Variants in TENM3 observed in about 807,000 individuals in gnomAD.
TENM3 encodes the protein teneurin-3.
Under a neutral mutation model 255.1 loss-of-function variants are expected in TENM3, and 63 were observed. The observed-to-expected ratio is 0.25, with a 90% CI of 0.20 to 0.30. TENM3 has a LOEUF of 0.30. TENM3 is among the 10% of genes least tolerant of loss of function. The pLI is 1.00. For synonymous variants in TENM3, 1,306 were observed against 1,322.3 expected (o/e 0.99, Z 0.27); for missense variants, 2,929 against 3,461.1 (o/e 0.85, Z 3.86).
the TENM3 span, among the ~76,000 whole-genome samples, chr4:181,871,344 G>A: frequency 6.6e-6 from 1 of 151,908 alleles, no homozygotes; most frequent in South Asian, 2.1e-4. Context: ...AAGAAAAATG[G>A]CTATTTTAAC....
chr4:181,927,895 G>A, the TENM3 span, among the ~76,000 whole-genome samples: 2 of 152,202 alleles, frequency 1.3e-5, no homozygotes, highest in African/African-American at 4.8e-5. Context: ...AAGGTCTGGA[G>A]TGGACCTCCA....
chr4:181,462,765 A>C, the TENM3 span, among the ~76,000 whole-genome samples: 2 of 151,964 alleles, frequency 1.3e-5, no homozygotes, highest in Non-Finnish European at 2.9e-5. Flanking sequence ...TCAAGTTCCC[A>C]CTCTGTGCAT....
At chr4:181,897,108 T>C in the TENM3 span, among the ~76,000 whole-genome samples, 1 of 152,190 alleles carries the variant, frequency 6.6e-6, no homozygotes, top group Non-Finnish European at 1.5e-5. Context: ...CTAGCCCAAT[T>C]GTTCCTTCTT....
At chr4:182,264,137 T>A (rs1759073026) in intron 1 of TENM3, among the ~76,000 whole-genome samples, 1 of 152,218 alleles carries the variant, frequency 6.6e-6, no homozygotes. Flanking sequence ...AGTGTTTATC[T>A]CTTCTGTAAA....
chr4:182,510,303 C>T (rs1331628614), intron 3 of TENM3, among the ~76,000 whole-genome samples: 3 of 152,128 alleles, frequency 2.0e-5, no homozygotes, highest in Non-Finnish European at 4.4e-5. Context: ...TTTTCTTCTG[C>T]GCAAGCCTTT....
At chr4:182,031,550 C>G in the TENM3 span, among the ~76,000 whole-genome samples, 1 of 152,074 alleles carries the variant, frequency 6.6e-6, no homozygotes, top group African/African-American at 2.4e-5. Context: ...TTTTTAGGTT[C>G]CACATGAATT....
the TENM3 span, among the ~76,000 whole-genome samples, chr4:181,846,371 T>A: frequency 6.6e-6 from 1 of 152,292 alleles, no homozygotes; most frequent in Non-Finnish European, 1.5e-5. Context: ...ACAGCTTGTT[T>A]GTAGGTTGCA....
intron 3 of TENM3, among the ~76,000 whole-genome samples, chr4:182,459,258 C>G (rs890043528): frequency 6.6e-6 from 1 of 151,964 alleles, no homozygotes; most frequent in Non-Finnish European, 1.5e-5. Flanking sequence ...AGAGAAATTT[C>G]TCAGTATTAT....
chr4:182,216,483 T>C (rs903169672), intron 1 of TENM3, among the ~76,000 whole-genome samples: 3 of 152,210 alleles, frequency 2.0e-5, no homozygotes, highest in African/African-American at 7.2e-5. Flanking sequence ...GCAGAAATCA[T>C]CCTGATATCA....
chr4:181,716,310 C>A, the TENM3 span, among the ~76,000 whole-genome samples: 1 of 152,038 alleles, frequency 6.6e-6, no homozygotes, highest in Non-Finnish European at 1.5e-5. Context: ...TTATAATATG[C>A]CGTTAACCCA....
the TENM3 span, among the ~76,000 whole-genome samples, chr4:181,542,333 C>G: frequency 6.6e-6 from 1 of 152,152 alleles, no homozygotes; most frequent in Non-Finnish European, 1.5e-5. Context: ...GAAACAGCAT[C>G]TAAATCCTGT....
chr4:182,324,280 C>A, intron 2 of TENM3, 28 bp downstream of exon 2: 1 of 1,514,604 alleles, frequency 6.6e-7, no homozygotes, highest in Non-Finnish European at 9.2e-7. Flanking sequence ...TAAAATAAGG[C>A]AATGCTCACG....
At chr4:182,298,317 T>C (rs367937335) in intron 1 of TENM3, among the ~76,000 whole-genome samples, 30 of 152,162 alleles carry the variant, frequency 2.0e-4, no homozygotes, top group Admixed American at 6.5e-4. Flanking sequence ...TAAAGAAATA[T>C]AGAAATGAGG....
intron 3 of TENM3, among the ~76,000 whole-genome samples, chr4:182,505,403 T>C (rs923032741): frequency 3.9e-5 from 6 of 152,098 alleles, no homozygotes; most frequent in African/African-American, 1.4e-4. Context: ...TTATTATACA[T>C]TTTTTTAAAG....
the TENM3 span, among the ~76,000 whole-genome samples, chr4:181,517,462 A>C: frequency 6.6e-6 from 1 of 152,216 alleles, no homozygotes; most frequent in Non-Finnish European, 1.5e-5. Flanking sequence ...AGAAGTTAGC[A>C]CTGGCCCTGC....
At chr4:182,623,983 T>C (rs1581137892) in intron 4 of TENM3, among the ~76,000 whole-genome samples, 1 of 152,288 alleles carries the variant, frequency 6.6e-6, no homozygotes, top group Non-Finnish European at 1.5e-5. Context: ...TTCATGCGTT[T>C]ATTTCTCTTT....
At chr4:181,946,096 A>G in the TENM3 span, among the ~76,000 whole-genome samples, 86,475 of 151,970 alleles carry the variant, frequency 0.57, 25,160 homozygotes, top group African/African-American at 0.65. Flanking sequence ...CACCGATTGA[A>G]GGAAAATTAG....
At chr4:181,611,873 T>G in the TENM3 span, among the ~76,000 whole-genome samples, 2 of 152,256 alleles carry the variant, frequency 1.3e-5, no homozygotes, top group Non-Finnish European at 2.9e-5. Context: ...CACTTGGAAT[T>G]CACTTTAAAT....
At chr4:181,837,998 C>T in the TENM3 span, among the ~76,000 whole-genome samples, 2 of 152,142 alleles carry the variant, frequency 1.3e-5, no homozygotes, top group South Asian at 2.1e-4. Flanking sequence ...ATTACCTGGG[C>T]GTTGTGGTGC....
Sources: allele counts gnomAD v4.1 joint callset (sites outside exome capture counted in the v4.1 genomes callset), GRCh38; gene constraint gnomAD v4.1.1; transcripts MANE v1.5; gene names NCBI Gene and HGNC (gene_info 2026-07-23, HGNC 2026-07-21).